Variants in CDH11 observed in about 807,000 individuals in gnomAD.
CDH11 encodes cadherin 11.
In CDH11, 11 loss-of-function variants were observed where a neutral mutation model predicts 67.8. The ratio of observed to expected loss-of-function variants is 0.16; its 90% CI spans 0.10 to 0.27. The LOEUF (loss-of-function observed/expected upper bound fraction) is 0.27. Among genes scored for constraint, CDH11 ranks in the 10% least tolerant of loss-of-function variants. CDH11 has a pLI of 1.00. For synonymous variants in CDH11, 419 were observed against 400.0 expected, an observed-to-expected ratio of 1.05 and a Z score of -0.57; for missense variants, 847 against 1,031.2, an observed-to-expected ratio of 0.82 and a Z score of 2.45.
intron 2 of CDH11, among the ~76,000 whole-genome samples, chr16:65,009,435 G>A (rs2073130819): frequency 6.6e-6 from 1 of 152,034 alleles, no homozygotes; most frequent in African/African-American, 2.4e-5. Context: ...TAAATGTGTA[G>A]GTTACAAAAG....
chr16:64,972,757 G>T, intron 9 of CDH11, 147 bp downstream of exon 9: 1 of 743,422 alleles, frequency 1.3e-6, no homozygotes. Flanking sequence ...CTCCTAGAAA[G>T]ATAACCGAAA....
intron 1 of CDH11, among the ~76,000 whole-genome samples, chr16:65,109,027 G>A (rs945371827): frequency 1.3e-5 from 2 of 152,094 alleles, no homozygotes; most frequent in Admixed American, 1.3e-4. Context: ...CATGCCTGTA[G>A]ACCCAGCTAC....
At chr16:64,977,586 C>T (rs964358701) in intron 8 of CDH11, among the ~76,000 whole-genome samples, 2 of 152,194 alleles carry the variant, frequency 1.3e-5, no homozygotes, top group Non-Finnish European at 2.9e-5. Flanking sequence ...CATTATGTAA[C>T]ATATCTTTCT....
At chr16:65,055,113 T>C (rs2074121186) in intron 1 of CDH11, among the ~76,000 whole-genome samples, 1 of 152,278 alleles carries the variant, frequency 6.6e-6, no homozygotes, top group East Asian at 1.9e-4. Context: ...CAGGGAGTCA[T>C]GGAGGAAATG....
At chr16:64,963,016 A>G (rs1239775615) in intron 11 of CDH11, among the ~76,000 whole-genome samples, 1 of 152,192 alleles carries the variant, frequency 6.6e-6, no homozygotes, top group African/African-American at 2.4e-5. Flanking sequence ...AGTTCCTGTT[A>G]CCCACAACAC....
intron 1 of CDH11, among the ~76,000 whole-genome samples, chr16:65,080,533 T>C (rs997797262): frequency 5.8e-4 from 89 of 152,338 alleles, no homozygotes; most frequent in African/African-American, 1.9e-3. Context: ...GATAAATGCA[T>C]TGCTTGAATA....
At chr16:65,076,017 CACTG>C (rs913480505) in intron 1 of CDH11, among the ~76,000 whole-genome samples, 7 of 152,256 alleles carry the variant, frequency 4.6e-5, no homozygotes, top group African/African-American at 1.7e-4. Flanking sequence ...AGGCAGCACT[CACTG>C]ACTACCTAGA....
intron 1 of CDH11, among the ~76,000 whole-genome samples, chr16:65,064,533 A>C (rs2074283405): frequency 6.6e-6 from 1 of 152,244 alleles, no homozygotes; most frequent in African/African-American, 2.4e-5. Context: ...CTTCAGAGAC[A>C]ATAAATGGGG....
intron 2 of CDH11, among the ~76,000 whole-genome samples, chr16:65,040,547 G>A (rs763711256): frequency 2.3e-4 from 35 of 151,940 alleles, no homozygotes; most frequent in Non-Finnish European, 4.7e-4. Flanking sequence ...CACACCCTGG[G>A]GCATGTTGTG....
chr16:64,975,893 G>A lies in CDH11; in HGVS notation c.1254-2853C>T, dbSNP rs140103476. On this transcript the variant is annotated intron_variant, in intron 8 of 12. Transcript: ENST00000268603. The stretch of plus-strand genomic sequence containing the variant: ...ATTTAAAAAATTAAAAAGAAAAAGA[G>A]GAAAAATCAATTACCAGGAAGGAAA... Among the ~76,000 whole-genome samples the A allele has an allele frequency of 2.2e-3, 341 of 151,966 alleles. 3 individuals carry two copies. The highest frequency in any genetic ancestry group is 7.6e-3 in the African/African-American group (313 of 41,446).
chr16:65,086,113 C>G (rs1178576716), intron 1 of CDH11, among the ~76,000 whole-genome samples: 2 of 152,204 alleles, frequency 1.3e-5, no homozygotes, highest in East Asian at 1.9e-4. Flanking sequence ...TTGCCAATGG[C>G]ATTGATTCAA....
At chr16:65,035,996 G>A (rs1355206807) in intron 2 of CDH11, among the ~76,000 whole-genome samples, 2 of 152,196 alleles carry the variant, frequency 1.3e-5, no homozygotes, top group Admixed American at 1.3e-4. Flanking sequence ...GGTGGTCACA[G>A]CTCACTAACA....
intron 1 of CDH11, among the ~76,000 whole-genome samples, chr16:65,075,179 T>C (rs923323289): frequency 1.3e-5 from 2 of 151,948 alleles, no homozygotes; most frequent in Non-Finnish European, 1.5e-5. Context: ...TAGGGAAAAA[T>C]GGGGGGAAAG....
chr16:64,977,999 G>T (rs1304730004), intron 8 of CDH11, among the ~76,000 whole-genome samples: 1 of 152,130 alleles, frequency 6.6e-6, no homozygotes, highest in Non-Finnish European at 1.5e-5. Flanking sequence ...TGATATAAAT[G>T]GACAAATTCC....
intron 1 of CDH11, among the ~76,000 whole-genome samples, chr16:65,057,892 C>A (rs1187675861): frequency 2.6e-5 from 4 of 152,132 alleles, no homozygotes; most frequent in African/African-American, 9.7e-5. Flanking sequence ...GCAAATCATG[C>A]CTATTCCCAT....
chr16:64,949,679 G>T (rs1022570422), intron 12 of CDH11, among the ~76,000 whole-genome samples: 2 of 152,084 alleles, frequency 1.3e-5, no homozygotes, highest in African/African-American at 4.8e-5. Context: ...GCCTGCCTCC[G>T]CCTCCCAAAG....
chr16:64,956,859 T>G (rs2071526913), intron 11 of CDH11, among the ~76,000 whole-genome samples: 2 of 152,090 alleles, frequency 1.3e-5, no homozygotes, highest in South Asian at 4.1e-4. Context: ...TAGATGATGA[T>G]GTAGCCCAAT....
At chr16:65,115,506 C>A (rs1420396982) in intron 1 of CDH11, among the ~76,000 whole-genome samples, 2 of 152,076 alleles carry the variant, frequency 1.3e-5, no homozygotes, top group African/African-American at 4.8e-5. Context: ...CCAGCACACA[C>A]TGAAGGCTCA....
chr16:65,093,083 T>C (rs1016735401), intron 1 of CDH11, among the ~76,000 whole-genome samples: 15 of 151,812 alleles, frequency 9.9e-5, no homozygotes, highest in African/African-American at 3.1e-4. Flanking sequence ...TTTACAGGCA[T>C]GTGCCACCAC....
Sources: gnomAD v4.1 joint callset for allele counts (sites outside exome capture counted in the v4.1 genomes callset) on GRCh38, gnomAD v4.1.1 for gene constraint, MANE v1.5 for transcripts, NCBI Gene and HGNC (gene_info 2026-07-23, HGNC 2026-07-21) for gene names.